Variants in PIEZO2 observed in about 807,000 individuals in gnomAD.
PIEZO2 encodes piezo type mechanosensitive ion channel component 2.
PIEZO2 carries 172 observed loss-of-function variants against 337.3 expected under a neutral mutation model. The observed-to-expected ratio is 0.51, with a 90% CI of 0.45 to 0.58. The LOEUF (loss-of-function observed/expected upper bound fraction) is 0.58, where lower values mean the gene tolerates loss of function less well. Among genes scored for constraint, PIEZO2 ranks in the 20% least tolerant of loss-of-function variants. The pLI, the probability that PIEZO2 is intolerant of heterozygous loss-of-function variation, is 0.00. For synonymous variants in PIEZO2, 1,251 were observed against 1,228.5 expected, an observed-to-expected ratio of 1.02 and a Z score of -0.38; for missense variants, 3,028 against 3,391.3, an observed-to-expected ratio of 0.89 and a Z score of 2.66.
Position 10,680,293 on chromosome 18 carries a change from A to T in PIEZO2, c.7858T>A (p.Trp2620Arg), listed in dbSNP as rs1415746748. 6.2e-7 allele frequency: 1 copy of T among 1,614,008 alleles called. No homozygotes were observed. The highest frequency in any genetic ancestry group is 8.5e-7 in the Non-Finnish European group (1 of 1,179,962). The change falls in exon 52 of 56, where the codon TGG becomes AGG. Residue 2620 changes from tryptophan to arginine, a missense_variant. Physicochemically the swap from Trp to Arg is moderately radical, Grantham distance 101. This residue lies in a region of PIEZO2 where 332 missense variants were observed against 363.8 expected (regional missense o/e 0.91). Coordinates refer to ENST00000674853, the MANE Select transcript of PIEZO2 (RefSeq NM_001378183.1). Reference sequence around the variant, plus strand: ...TGCTTACTGGGTGGGCTGATGGTCCACAAAGAATTTGAGTTTCCTTCCAGT... The same window carrying T: ...TGCTTACTGGGTGGGCTGATGGTCCTCAAAGAATTTGAGTTTCCTTCCAGT... ...AELEGNSNSL[W>R]TISPPSKQKM...
At position 10,781,407 on chromosome 18, in the gene PIEZO2, T is replaced by A. The variant is rs896725431; in HGVS notation, c.2493-1041A>T. ...ATCACTTGAACCCAGGAGGTGGAGG[T>A]TGCAGTGAGCCGAGATGGCACCACT... On this transcript the variant is annotated intron_variant, in intron 17 of 55. Transcript: ENST00000674853. This position sits in a 1 kb window ranked among gnomAD's most constrained non-coding sequence, Gnocchi z 4.1. 6.6e-6 allele frequency among the ~76,000 whole-genome samples: 1 copy of A among 151,872 alleles called. No individual in the cohort carries two copies. Among genetic ancestry groups the A allele is most frequent in the African/African-American group, 2.4e-5 (1 of 41,330 alleles).
chr18:11,026,644 C>CT (rs1366307162), intron 2 of PIEZO2, among the ~76,000 whole-genome samples: 1 of 152,234 alleles, frequency 6.6e-6, no homozygotes, highest in Non-Finnish European at 1.5e-5. Context: ...TGCTGGGCTG[C>CT]TCCCTCAGCC....
At chr18:10,838,640 C>T (rs930980883) in intron 7 of PIEZO2, among the ~76,000 whole-genome samples, 2 of 152,160 alleles carry the variant, frequency 1.3e-5, no homozygotes, top group African/African-American at 4.8e-5. Context: ...ATGGAAGGGG[C>T]TTACATTTAA....
intron 2 of PIEZO2, among the ~76,000 whole-genome samples, chr18:11,061,936 A>G (rs952493232): frequency 5.3e-5 from 8 of 152,222 alleles, no homozygotes; most frequent in African/African-American, 1.9e-4. Context: ...ACCAAAAAAG[A>G]GCCCGCATTG....
chr18:10,826,388 A>C (rs1296197444), intron 7 of PIEZO2, among the ~76,000 whole-genome samples: 1 of 152,224 alleles, frequency 6.6e-6, no homozygotes, highest in African/African-American at 2.4e-5. Flanking sequence ...CTTGTTGCTT[A>C]TCTGTAACCT....
Position 11,047,417 on chromosome 18 carries a change from G to T in PIEZO2, c.160+18710C>A, listed in dbSNP as rs749804651. 2.0e-4 allele frequency among the ~76,000 whole-genome samples: 30 copies of T among 152,142 alleles called. No homozygotes were observed. The highest frequency in any genetic ancestry group is 7.2e-4 in the African/African-American group (30 of 41,414). On this transcript the variant is annotated intron_variant, in intron 2 of 55. Transcript: ENST00000674853. The surrounding 1 kb of genome is among the most constrained non-coding windows in gnomAD (Gnocchi z 7.2). ...AAGGCTCCTGCCTATCCCACAAGAC[G>T]GCCCGGGGGAATTGTCCAAGAACAG...
intron 3 of PIEZO2, among the ~76,000 whole-genome samples, chr18:10,939,565 C>T (rs559951035): frequency 1.1e-4 from 16 of 152,308 alleles, no homozygotes; most frequent in Non-Finnish European, 1.5e-4. Flanking sequence ...GGCATATATA[C>T]ACCATGGTAT....
At chr18:10,869,956 A>AC (rs1341171874) in intron 5 of PIEZO2, among the ~76,000 whole-genome samples, 31 of 151,606 alleles carry the variant, frequency 2.0e-4, no homozygotes, top group African/African-American at 7.3e-4. Flanking sequence ...GCTCACTGCA[A>AC]CCTCTACCTC....
chr18:10,706,250 A>C (rs1598381530), intron 40 of PIEZO2, among the ~76,000 whole-genome samples: 1 of 152,160 alleles, frequency 6.6e-6, no homozygotes, highest in East Asian at 1.9e-4. Context: ...GGAATGATTA[A>C]ATATTGGCTA....
chr18:11,122,275 A>T (rs1418792415), intron 1 of PIEZO2, among the ~76,000 whole-genome samples: 3 of 152,176 alleles, frequency 2.0e-5, no homozygotes. Context: ...TTTCAATCTT[A>T]TTTAGAACTT....
At chr18:10,857,515 A>T (rs1347599690) in intron 5 of PIEZO2, among the ~76,000 whole-genome samples, 1 of 152,112 alleles carries the variant, frequency 6.6e-6, no homozygotes, top group Non-Finnish European at 1.5e-5. Flanking sequence ...ATCTATTAAC[A>T]AGTTTAGTTT....
Position 11,132,827 on chromosome 18 carries a change from C to T in PIEZO2, c.64+15698G>A, listed in dbSNP as rs1397329077. Among the ~76,000 whole-genome samples, 1 of 152,084 alleles carries T rather than the reference C, an allele frequency of 6.6e-6. No individual in the cohort carries two copies. The highest frequency in any genetic ancestry group is 1.5e-5 in the Non-Finnish European group (1 of 68,024). ...CCCAGAATCACTGGGTCATCTCCAGCATGCATGGAATACAGGAGATCCATT... is the reference window on the plus strand; with the variant it reads ...CCCAGAATCACTGGGTCATCTCCAGTATGCATGGAATACAGGAGATCCATT... On this transcript the variant is annotated intron_variant, in intron 1 of 55. Transcript: ENST00000674853. The surrounding 1 kb of genome is among the most constrained non-coding windows in gnomAD (Gnocchi z 4.7).
At position 11,070,111 on chromosome 18, in the gene PIEZO2, T is replaced by A. The variant is rs1297921323; in HGVS notation, c.65-3889A>T. On this transcript the variant is annotated intron_variant, in intron 1 of 55. Transcript: ENST00000674853. The surrounding 1 kb of genome is among the most constrained non-coding windows in gnomAD (Gnocchi z 4.3). ...TCCTTGTGGGAACTGTGTGCTTACA[T>A]AAACAAAGATGGTATGCCCTACTGC... Among the ~76,000 whole-genome samples the A allele has an allele frequency of 2.6e-5, 4 of 152,190 alleles. No individual in the cohort carries two copies. The South Asian group carries it at 8.3e-4, about 32-fold the overall frequency.
Position 10,724,939 on chromosome 18 carries a change from C to G in PIEZO2, c.5029+6468G>C, listed in dbSNP as rs140850845. On this transcript the variant is annotated intron_variant, in intron 36 of 55. Coordinates refer to ENST00000674853, the MANE Select transcript of PIEZO2 (RefSeq NM_001378183.1). This position sits in a 1 kb window ranked among gnomAD's most constrained non-coding sequence, Gnocchi z 5.8. The stretch of plus-strand genomic sequence containing the variant: ...GCCTCCACCTGGACGGCGATGGAAC[C>G]CAGGTGGGCGCACCCTGCGGCCTGC... 1 of 1,601,192 alleles carries G rather than the reference C, an allele frequency of 6.2e-7. No individual in the cohort carries two copies. The highest frequency in any genetic ancestry group is 2.2e-5 in the East Asian group (1 of 44,806).
intron 9 of PIEZO2, among the ~76,000 whole-genome samples, chr18:10,802,002 C>T (rs912317510): frequency 1.1e-4 from 16 of 145,390 alleles, no homozygotes; most frequent in African/African-American, 3.3e-4. Context: ...AGGAGAATGG[C>T]GTGAACCCGG....
At position 10,870,583 on chromosome 18, in the gene PIEZO2, G is replaced by C. The variant is rs1303563475; in HGVS notation, c.492+670C>G. On this transcript the variant is annotated intron_variant, in intron 5 of 55. Coordinates refer to ENST00000674853, the MANE Select transcript of PIEZO2 (RefSeq NM_001378183.1). The surrounding 1 kb of genome is among the most constrained non-coding windows in gnomAD (Gnocchi z 5.3). ...AACAGTGTCCTGAGGCTGGTCAGGG[G>C]GCAGCGTGAGAGCCGTCTGACAGCT... Among the ~76,000 whole-genome samples the C allele has an allele frequency of 1.3e-5, 2 of 151,252 alleles. No individual in the cohort carries two copies. Among genetic ancestry groups the C allele is most frequent in the Non-Finnish European group, 3.0e-5 (2 of 67,396 alleles).
At chr18:11,051,268 GGATGA>G (rs2037516571) in intron 2 of PIEZO2, among the ~76,000 whole-genome samples, 1 of 151,958 alleles carries the variant, frequency 6.6e-6, no homozygotes, top group Non-Finnish European at 1.5e-5. Flanking sequence ...CTCAGACTGA[GGATGA>G]GTTCTTGGAT....
intron 4 of PIEZO2, 27 bp from the exon 5 acceptor site, chr18:10,871,442 A>G (rs536168568): frequency 4.6e-6 from 7 of 1,515,612 alleles, no homozygotes; most frequent in Middle Eastern, 1.7e-4. Flanking sequence ...AGGGGAGGGG[A>G]AAAAAATTTA....
At chr18:11,141,713 G>A (rs963852226) in intron 1 of PIEZO2, among the ~76,000 whole-genome samples, 1 of 152,166 alleles carries the variant, frequency 6.6e-6, no homozygotes, top group Non-Finnish European at 1.5e-5. Flanking sequence ...ACCAGAGAAG[G>A]CCCCGGGGAG....
Sources: allele counts gnomAD v4.1 joint callset (sites outside exome capture counted in the v4.1 genomes callset), GRCh38; gene constraint gnomAD v4.1.1; regional missense constraint gnomAD v4.1.1; non-coding constraint Gnocchi (gnomAD v3.1); transcripts MANE v1.5; gene names NCBI Gene and HGNC (gene_info 2026-07-23, HGNC 2026-07-21).